DLG2: variants seen among roughly 807,000 people sequenced by gnomAD.
The protein encoded by DLG2 is disks large homolog 2.
In DLG2, 45 loss-of-function variants were observed where a neutral mutation model predicts 132.5. The observed-to-expected ratio is 0.34, with a 90% CI of 0.27 to 0.44. DLG2 has a LOEUF of 0.44. Ranked by LOEUF, DLG2 falls within the 20% of genes least tolerant of loss-of-function variation. DLG2 has a pLI of 1.00. For missense variants in DLG2, 1,045 were observed against 1,196.9 expected, an observed-to-expected ratio of 0.87 and a Z score of 1.87; for synonymous variants, 424 against 419.6, an observed-to-expected ratio of 1.01 and a Z score of -0.13.
intron 4 of DLG2, among the ~76,000 whole-genome samples, chr11:85,193,198 C>G (rs562172339): frequency 6.6e-6 from 1 of 152,250 alleles, no homozygotes; most frequent in East Asian, 1.9e-4. Context: ...GCTTTTTCCA[C>G]TTAGGATAAT....
intron 7 of DLG2, among the ~76,000 whole-genome samples, chr11:84,277,092 A>G (rs1197238061): frequency 6.6e-6 from 1 of 152,208 alleles, no homozygotes; most frequent in Non-Finnish European, 1.5e-5. Flanking sequence ...TTTGCTGGGA[A>G]GATCAAGGCA....
intron 6 of DLG2, among the ~76,000 whole-genome samples, chr11:84,780,625 T>C (rs1015444423): frequency 3.3e-5 from 5 of 152,114 alleles, no homozygotes; most frequent in East Asian, 1.9e-4. Context: ...CCACATTTGG[T>C]ACTGTCATTT....
intron 11 of DLG2, among the ~76,000 whole-genome samples, chr11:83,994,942 A>G (rs1349307046): frequency 2.7e-5 from 4 of 149,828 alleles, no homozygotes; most frequent in African/African-American, 4.9e-5. Context: ...TCATCTTCAC[A>G]TGAATTCTCC....
intron 3 of DLG2, among the ~76,000 whole-genome samples, chr11:85,573,840 C>G (rs989397118): frequency 2.6e-4 from 39 of 152,256 alleles, no homozygotes; most frequent in African/African-American, 8.9e-4. Context: ...AAGCTAAATT[C>G]ATGTGTGTTA....
intron 6 of DLG2, among the ~76,000 whole-genome samples, chr11:84,643,917 C>G (rs2099671250): frequency 6.6e-6 from 1 of 152,152 alleles, no homozygotes; most frequent in African/African-American, 2.4e-5. Flanking sequence ...ATATATGTTA[C>G]CTCTGATCCT....
Position 83,543,011 on chromosome 11 carries a change from C to CT in DLG2, c.1941-1154dup, listed in dbSNP as rs1013452679. Among the ~76,000 whole-genome samples the CT allele has an allele frequency of 3.3e-5, 5 of 152,006 alleles. No individual in the cohort carries two copies. The East Asian group carries it at 5.8e-4, about 18-fold the overall frequency. The stretch of plus-strand genomic sequence containing the variant: ...TGAGGACCAAGTGTGGTTTCTTCTT[C>CT]TTTTTTTTGCCCATCAAAGAAATGT... On this transcript the variant is annotated intron_variant, in intron 19 of 27. Coordinates refer to ENST00000376104, the MANE Select transcript of DLG2 (RefSeq NM_001142699.3).
chr11:85,313,889 G>A (rs1459328272), intron 3 of DLG2, among the ~76,000 whole-genome samples: 3 of 151,786 alleles, frequency 2.0e-5, no homozygotes, highest in Admixed American at 2.0e-4. Flanking sequence ...TCTCTCCAAA[G>A]TAATTTAAAA....
intron 18 of DLG2, among the ~76,000 whole-genome samples, chr11:83,665,489 A>T (rs1457008339): frequency 6.6e-6 from 1 of 152,200 alleles, no homozygotes; most frequent in Non-Finnish European, 1.5e-5. Context: ...ATACTTTCTA[A>T]ATATTAGATT....
chr11:85,443,957 A>G (rs1030363583), intron 3 of DLG2, among the ~76,000 whole-genome samples: 1 of 152,188 alleles, frequency 6.6e-6, no homozygotes, highest in Non-Finnish European at 1.5e-5. Flanking sequence ...AGCTCTTTAT[A>G]TTCTTCACCA....
chr11:85,281,525 G>A (rs1035210075), intron 4 of DLG2, among the ~76,000 whole-genome samples: 1 of 151,966 alleles, frequency 6.6e-6, no homozygotes, highest in African/African-American at 2.4e-5. Flanking sequence ...TCTAACAACA[G>A]GATATTCTGT....
At chr11:84,382,517 T>C (rs114430716) in intron 7 of DLG2, among the ~76,000 whole-genome samples, 80 of 152,278 alleles carry the variant, frequency 5.3e-4, no homozygotes, top group African/African-American at 1.9e-3. Context: ...ATAAAATATG[T>C]TGGGGCTCCT....
At chr11:85,094,923 G>A (rs907484045) in intron 6 of DLG2, among the ~76,000 whole-genome samples, 1 of 152,166 alleles carries the variant, frequency 6.6e-6, no homozygotes, top group African/African-American at 2.4e-5. Context: ...GATTGAAAGT[G>A]AGAGAAGTGT....
intron 3 of DLG2, among the ~76,000 whole-genome samples, chr11:85,392,947 T>A (rs974203744): frequency 6.6e-6 from 1 of 151,948 alleles, no homozygotes; most frequent in Non-Finnish European, 1.5e-5. Flanking sequence ...ACACAAAAGC[T>A]GATACAACAA....
intron 17 of DLG2, among the ~76,000 whole-genome samples, chr11:83,824,980 G>C (rs1236965107): frequency 4.6e-5 from 7 of 151,488 alleles, no homozygotes; most frequent in Non-Finnish European, 1.0e-4. Flanking sequence ...AAGGAGCAAT[G>C]TTAATTTTGT....
intron 7 of DLG2, among the ~76,000 whole-genome samples, chr11:84,393,763 C>G (rs566789455): frequency 2.6e-5 from 4 of 152,138 alleles, no homozygotes; most frequent in African/African-American, 9.6e-5. Flanking sequence ...TAAAAGTGGT[C>G]ACCCTTGAAA....
At chr11:84,186,607 C>T (rs916433921) in intron 8 of DLG2, among the ~76,000 whole-genome samples, 1 of 151,888 alleles carries the variant, frequency 6.6e-6, no homozygotes, top group Non-Finnish European at 1.5e-5. Context: ...TTATGAACCA[C>T]CTCTAATACC....
Position 83,636,858 on chromosome 11 carries a change from A to T in DLG2, c.1826-3533T>A, listed in dbSNP as rs116849772. Among the ~76,000 whole-genome samples the T allele has an allele frequency of 3.1e-3, 469 of 152,264 alleles. 5 individuals carry two copies. Among genetic ancestry groups the T allele is most frequent in the East Asian group, 0.026 (135 of 5,180 alleles). On this transcript the variant is annotated intron_variant, in intron 18 of 27. Transcript: ENST00000376104. ...AATGATTTATACTGCATTTGCCTTA[A>T]TTGGAATCTATCCTGTTTTCATCTT... is the stretch of plus-strand genomic sequence containing the variant.
chr11:83,984,698 T>G (rs142944286), intron 11 of DLG2, among the ~76,000 whole-genome samples: 8 of 152,218 alleles, frequency 5.3e-5, no homozygotes, highest in Admixed American at 1.3e-4. Context: ...CATTTTTAAT[T>G]TTTAGTTGTT....
intron 11 of DLG2, among the ~76,000 whole-genome samples, chr11:84,021,054 G>A (rs2095375553): frequency 6.6e-6 from 1 of 152,136 alleles, no homozygotes; most frequent in Non-Finnish European, 1.5e-5. Context: ...AGAAACAGAA[G>A]GAGGGACTAT....
Sources: gnomAD v4.1 joint callset for allele counts (sites outside exome capture counted in the v4.1 genomes callset) on GRCh38, gnomAD v4.1.1 for gene constraint, MANE v1.5 for transcripts, NCBI Gene and HGNC (gene_info 2026-07-23, HGNC 2026-07-21) for gene names.